The following ATXN7 variants were observed in gnomAD, a reference collection of about 807,000 sequenced individuals.
ATXN7 encodes ataxin 7.
In ATXN7, 12 loss-of-function variants were observed where a neutral mutation model predicts 70.5. The ratio of observed to expected loss-of-function variants is 0.17; its 90% CI spans 0.11 to 0.28. The LOEUF (loss-of-function observed/expected upper bound fraction) is 0.28, where lower values mean the gene tolerates loss of function less well. ATXN7 is among the 10% of genes least tolerant of loss of function. The probability of loss-of-function intolerance (pLI) is 1.00; values close to 1 mark genes in which losing one functional copy is unlikely to be tolerated. For synonymous variants in ATXN7, 498 were observed against 448.7 expected (o/e 1.11, Z -1.39); for missense variants, 1,256 against 1,131.7 (o/e 1.11, Z -1.58).
intron 4 of ATXN7, among the ~76,000 whole-genome samples, chr3:63,916,429 C>T (rs1704270906): frequency 2.0e-5 from 3 of 152,112 alleles, no homozygotes; most frequent in Admixed American, 2.0e-4. Context: ...TTTACACGTC[C>T]CCACCCCTAA....
At chr3:63,926,977 C>A (rs1288563801) in intron 4 of ATXN7, among the ~76,000 whole-genome samples, 7 of 152,164 alleles carry the variant, frequency 4.6e-5, no homozygotes, top group African/African-American at 1.7e-4. Context: ...CATCCATGTC[C>A]CTGCAAAGGA....
Position 63,990,373 on chromosome 3 carries a change from C to T in ATXN7, c.1559C>T (p.Ser520Phe), listed in dbSNP as rs773657761. 1 of 1,614,160 alleles carries T rather than the reference C, an allele frequency of 6.2e-7. No individual in the cohort carries two copies. Residue 520 changes from serine to phenylalanine, a missense_variant and splice_region_variant, in exon 10 of 13, where the codon TCT becomes TTT. By Grantham distance (155) the Ser-to-Phe change is radical (BLOSUM62 -2). Transcript: ENST00000674280. ...TCAGGTCATCATCCTCAGCCAGCAT[C>T]TGTAAGTTCCACGTCCACCCCCGCG... Reference protein sequence around the residue: ...HYSGHHPQPASFCTFGSRQIG... With the variant: ...HYSGHHPQPAFFCTFGSRQIG...
In ATXN7 at chr3:63,982,220, C is replaced by G. The variant is rs2075500397; in HGVS notation, c.787C>G (p.Pro263Ala). The G allele has an allele frequency of 6.2e-7, 1 of 1,614,000 alleles. No individual in the cohort carries two copies. The highest frequency in any genetic ancestry group is 1.1e-5 in the South Asian group (1 of 91,072). Residue 263 changes from proline to alanine, a missense_variant, in exon 7 of 13, where the codon CCG becomes GCG. Pro to Ala is a conservative substitution (Grantham distance 27, BLOSUM62 -1). Coordinates refer to ENST00000674280, the MANE Select transcript of ATXN7 (RefSeq NM_001377405.1). ...TPSVKVEKIH[P>A]KMDGTLLKSA... ...CTCTGTGAAAGTGGAAAAGATTCAT[C>G]CGAAAATGGATGGCACACTACTGAA...
chr3:63,869,381 A>G (rs1209064537), intron 1 of ATXN7, among the ~76,000 whole-genome samples: 1 of 152,156 alleles, frequency 6.6e-6, no homozygotes, highest in Non-Finnish European at 1.5e-5. Flanking sequence ...AGACAGTTAC[A>G]TTCTCATCTT....
chr3:63,865,075 C>T (rs557027705), intron 1 of ATXN7: 3 of 152,278 alleles, frequency 2.0e-5, no homozygotes, highest in East Asian at 3.9e-4. Flanking sequence ...TCTTCATATC[C>T]GGGATGAAGA....
At chr3:63,996,790 G>T (rs1311251937) in intron 12 of ATXN7, among the ~76,000 whole-genome samples, 3 of 152,142 alleles carry the variant, frequency 2.0e-5, no homozygotes, top group Admixed American at 6.5e-5. Context: ...ATAATTGGAG[G>T]GTAGCCCCTT....
intron 1 of ATXN7, among the ~76,000 whole-genome samples, chr3:63,884,472 A>G (rs1401811796): frequency 6.6e-6 from 1 of 152,154 alleles, no homozygotes; most frequent in Non-Finnish European, 1.5e-5. Flanking sequence ...TAAACAAATA[A>G]TATGTGATAT....
chr3:63,932,425 C>G (rs1422438954), intron 4 of ATXN7, among the ~76,000 whole-genome samples: 1 of 152,146 alleles, frequency 6.6e-6, no homozygotes, highest in Non-Finnish European at 1.5e-5. Context: ...GGTTTTGGAA[C>G]TGAAGTTATT....
At chr3:63,961,407 C>T (rs2075128801) in intron 5 of ATXN7, among the ~76,000 whole-genome samples, 1 of 152,092 alleles carries the variant, frequency 6.6e-6, no homozygotes, top group Admixed American at 6.5e-5. Flanking sequence ...TAAGGACCGT[C>T]CTTCTTTGGG....
At chr3:63,992,484 T>A (rs1186523182) in intron 11 of ATXN7, among the ~76,000 whole-genome samples, 2 of 152,172 alleles carry the variant, frequency 1.3e-5, no homozygotes, top group East Asian at 3.9e-4. Context: ...ACTGAGCTCA[T>A]GAAACTATGG....
intron 5 of ATXN7, among the ~76,000 whole-genome samples, chr3:63,958,141 T>C (rs2075068420): frequency 6.6e-6 from 1 of 152,236 alleles, no homozygotes; most frequent in Admixed American, 6.5e-5. Context: ...GAAACACTCC[T>C]GTGATCTTAC....
At chr3:63,990,427 G>T (rs1244959706) in intron 10 of ATXN7, 53 bp downstream of exon 10, 3 of 1,599,776 alleles carry the variant, frequency 1.9e-6, no homozygotes, top group African/African-American at 1.3e-5. Context: ...CATGGACAGG[G>T]CACTGCAGGG....
chr3:63,981,408 T>G (rs976132118), intron 6 of ATXN7, among the ~76,000 whole-genome samples: 1 of 152,230 alleles, frequency 6.6e-6, no homozygotes, highest in African/African-American at 2.4e-5. Context: ...CTGAACAAAG[T>G]TTATACAACC....
At position 63,941,229 on chromosome 3, in the gene ATXN7, G is replaced by A. The variant is rs150969062; in HGVS notation, c.395-11150G>A. The stretch of plus-strand genomic sequence containing the variant: ...TTTTCATCTTTCTAGCTCCTTGGTC[G>A]TCTGGTGCAGGGGTCCCCAGTCTCT... On this transcript the variant is annotated intron_variant, in intron 4 of 12. Coordinates refer to ENST00000674280, the MANE Select transcript of ATXN7 (RefSeq NM_001377405.1). 2.8e-3 allele frequency among the ~76,000 whole-genome samples: 426 copies of A among 152,062 alleles called. 1 individual carries two copies. Among genetic ancestry groups the A allele is most frequent in the Non-Finnish European group, 4.7e-3 (320 of 68,002 alleles).
chr3:63,896,699 C>T (rs1240639353), intron 1 of ATXN7, among the ~76,000 whole-genome samples: 1 of 152,186 alleles, frequency 6.6e-6, no homozygotes, highest in Admixed American at 6.5e-5. Context: ...GACCCCTATT[C>T]TAAGTAGAGA....
At chr3:63,987,663 A>T (rs553515008) in intron 8 of ATXN7, among the ~76,000 whole-genome samples, 1 of 152,174 alleles carries the variant, frequency 6.6e-6, no homozygotes, top group Non-Finnish European at 1.5e-5. Flanking sequence ...TTAACATTCA[A>T]AATTTTAAAT....
At chr3:63,975,878 A>C (rs1382761506) in intron 5 of ATXN7, among the ~76,000 whole-genome samples, 2 of 152,148 alleles carry the variant, frequency 1.3e-5, no homozygotes, top group African/African-American at 4.8e-5. Context: ...ATACACACTT[A>C]GGCATGTTTG....
chr3:63,982,329 C>A lies in ATXN7; in HGVS notation c.896C>A (p.Thr299Asn), dbSNP rs1456960662. The A allele has an allele frequency of 6.2e-7, 1 of 1,614,084 alleles. No homozygotes were observed. The highest frequency in any genetic ancestry group is 1.3e-5 in the African/African-American group (1 of 74,928). Residue 299 changes from threonine to asparagine, a missense_variant, in exon 7 of 13, where the codon ACC becomes AAC. Coordinates refer to ENST00000674280, the MANE Select transcript of ATXN7 (RefSeq NM_001377405.1). ...GLNCPSIPKP[T>N]LPSPGQILNG... ...AACTGCCCCTCAATACCAAAGCCAA[C>A]CTTGCCTTCACCTGGACAGATTCTG...
chr3:63,947,016 T>C (rs1198114161), intron 4 of ATXN7, among the ~76,000 whole-genome samples: 1 of 152,130 alleles, frequency 6.6e-6, no homozygotes, highest in East Asian at 1.9e-4. Flanking sequence ...TCTGGGAGAA[T>C]ACTGGAAATT....
Sources: gnomAD v4.1 joint callset for allele counts (sites outside exome capture counted in the v4.1 genomes callset) on GRCh38, gnomAD v4.1.1 for gene constraint, MANE v1.5 for transcripts, NCBI Gene and HGNC (gene_info 2026-07-23, HGNC 2026-07-21) for gene names.